Variants in CSNK1G1 observed in about 807,000 individuals in gnomAD.
The protein encoded by CSNK1G1 is casein kinase 1 gamma 1.
CSNK1G1 carries 22 observed loss-of-function variants against 59.6 expected under a neutral mutation model. The ratio of observed to expected loss-of-function variants is 0.37; its 90% CI spans 0.26 to 0.53. The LOEUF (loss-of-function observed/expected upper bound fraction) is 0.53, where lower values mean the gene tolerates loss of function less well. Ranked by LOEUF, CSNK1G1 falls within the 20% of genes least tolerant of loss-of-function variation. The pLI is 0.89. For synonymous variants in CSNK1G1, 179 were observed against 177.1 expected, an observed-to-expected ratio of 1.01 and a Z score of -0.08; for missense variants, 384 against 519.5, an observed-to-expected ratio of 0.74 and a Z score of 2.54.
At chr15:64,335,887 T>C (rs550258569) in intron 1 of CSNK1G1, 6 of 152,288 alleles carry the variant, frequency 3.9e-5, no homozygotes, top group African/African-American at 1.4e-4. Context: ...AAATAAAATT[T>C]ACCTGCAACA....
chr15:64,232,614 A>T (rs564761053), intron 4 of CSNK1G1, among the ~76,000 whole-genome samples: 1 of 152,174 alleles, frequency 6.6e-6, no homozygotes, highest in African/African-American at 2.4e-5. Context: ...ATTAACCTTG[A>T]CATACTATGA....
intron 1 of CSNK1G1, among the ~76,000 whole-genome samples, chr15:64,301,559 A>G (rs1674092675): frequency 6.6e-6 from 1 of 152,194 alleles, no homozygotes; most frequent in African/African-American, 2.4e-5. Flanking sequence ...ACACACACTT[A>G]TATTTCACTT....
intron 2 of CSNK1G1, among the ~76,000 whole-genome samples, chr15:64,289,171 C>A (rs569618432): frequency 5.6e-4 from 82 of 146,390 alleles, no homozygotes; most frequent in Non-Finnish European, 1.1e-3. Flanking sequence ...ACAAGTGAGA[C>A]TCTGTATCAA....
intron 4 of CSNK1G1, among the ~76,000 whole-genome samples, chr15:64,220,968 A>G (rs1421706300): frequency 2.0e-5 from 3 of 152,242 alleles, no homozygotes; most frequent in East Asian, 3.8e-4. Flanking sequence ...CCAAGAATAG[A>G]TGGAGCAAAA....
At chr15:64,286,169 G>A (rs142952076) in intron 2 of CSNK1G1, among the ~76,000 whole-genome samples, 15 of 152,212 alleles carry the variant, frequency 9.9e-5, no homozygotes, top group Admixed American at 9.8e-4. Flanking sequence ...CCCAGCTCGA[G>A]CCTTAAAGGT....
chr15:64,297,408 A>C (rs368835498), intron 2 of CSNK1G1, among the ~76,000 whole-genome samples: 3 of 152,186 alleles, frequency 2.0e-5, no homozygotes, highest in East Asian at 1.9e-4. Flanking sequence ...AAGGCTCTGA[A>C]GCAGAAATGC....
chr15:64,219,113 C>T (rs1222894600), intron 4 of CSNK1G1, among the ~76,000 whole-genome samples: 2 of 152,156 alleles, frequency 1.3e-5, no homozygotes, highest in Non-Finnish European at 2.9e-5. Context: ...CCTCAGCCTC[C>T]CGAAGTGCTG....
At chr15:64,215,932 T>G (rs141177432) in intron 5 of CSNK1G1, among the ~76,000 whole-genome samples, 1 of 152,286 alleles carries the variant, frequency 6.6e-6, no homozygotes, top group Non-Finnish European at 1.5e-5. Context: ...TACAGCTATA[T>G]TTAAAACACA....
intron 10 of CSNK1G1, among the ~76,000 whole-genome samples, chr15:64,197,740 T>G (rs138730358): frequency 2.4e-3 from 372 of 152,282 alleles, no homozygotes; most frequent in Non-Finnish European, 4.3e-3. Context: ...AAGCAGAGTT[T>G]TAATCATATC....
rs757558607 is a variant in CSNK1G1 at position 64,207,512 on chromosome 15, G to C, written c.762C>G (p.Leu254=). The C allele has an allele frequency of 3.1e-6, 5 of 1,609,268 alleles. No individual in the cohort carries two copies. Among genetic ancestry groups the C allele is most frequent in the East Asian group, 2.2e-5 (1 of 44,854 alleles). ...CACTGAACACTTTCAAGGATACCTTGAGTCCTTGCCAGGGGAGGCTGCCTC... is the reference window on the plus strand; with the variant it reads ...CACTGAACACTTTCAAGGATACCTTCAGTCCTTGCCAGGGGAGGCTGCCTC... The part of the protein sequence containing the change: ...FLRGSLPWQG[L]KADTLKERYQ... The change falls in exon 7 of 12, where the codon CTC becomes CTG. Residue 254 remains leucine, a synonymous_variant. Coordinates refer to ENST00000303052, the MANE Select transcript of CSNK1G1 (RefSeq NM_022048.5).
intron 2 of CSNK1G1, among the ~76,000 whole-genome samples, chr15:64,259,480 T>G (rs982245763): frequency 8.0e-6 from 1 of 125,168 alleles, no homozygotes; most frequent in Non-Finnish European, 1.6e-5. Context: ...AACAAATCTC[T>G]CTTACACACA....
At chr15:64,250,258 A>G (rs1892001000) in intron 4 of CSNK1G1, among the ~76,000 whole-genome samples, 1 of 152,234 alleles carries the variant, frequency 6.6e-6, no homozygotes, top group Non-Finnish European at 1.5e-5. Context: ...CTGAGAGGCT[A>G]CTGTGAGCAA....
chr15:64,239,259 C>A (rs979316326), intron 4 of CSNK1G1, among the ~76,000 whole-genome samples: 2 of 152,162 alleles, frequency 1.3e-5, no homozygotes, highest in Non-Finnish European at 2.9e-5. Flanking sequence ...AATATGACAC[C>A]ACCAAAGAAG....
chr15:64,312,717 G>C (rs907012452), intron 1 of CSNK1G1, among the ~76,000 whole-genome samples: 4 of 151,986 alleles, frequency 2.6e-5, no homozygotes, highest in African/African-American at 9.7e-5. Context: ...TGTCTAAAAC[G>C]CCAAAAGCAA....
chr15:64,316,607 C>A lies in CSNK1G1; in HGVS notation c.-224-15884G>T, dbSNP rs549863417. 2.6e-5 allele frequency among the ~76,000 whole-genome samples: 4 copies of A among 151,220 alleles called. No homozygotes were observed. In the South Asian group the frequency reaches 8.4e-4, roughly 32 times the overall value. ...TGTCTATCATAAAGGGAGGAGACCA[C>A]CCCTCATGTTGTCTTATGCCCAATT... On this transcript the variant is annotated intron_variant, in intron 1 of 11. Coordinates refer to ENST00000303052, the MANE Select transcript of CSNK1G1 (RefSeq NM_022048.5).
chr15:64,171,614 C>G lies in CSNK1G1; in HGVS notation c.*317G>C. ...AAACTAAGGGGAAGAAGGAGAATAG[C>G]AGTCCTTGAGTTTTTGTGAATGACA... On this transcript the variant is annotated 3_prime_UTR_variant, in exon 12 of 12. Transcript: ENST00000303052. The surrounding 1 kb of genome is among the most constrained non-coding windows in gnomAD (Gnocchi z 4.8). 1 of 387,206 alleles carries G rather than the reference C, an allele frequency of 2.6e-6. No homozygotes were observed. 24.0% of individuals were successfully genotyped at this position (387,206 alleles called of 1,614,324 possible).
intron 9 of CSNK1G1, 101 bp downstream of exon 9, chr15:64,204,340 A>C (rs2082149282): frequency 9.9e-7 from 1 of 1,006,854 alleles, no homozygotes; most frequent in Admixed American, 2.8e-5. Flanking sequence ...TATTTTTACC[A>C]AAGATTCAAG....
intron 1 of CSNK1G1, among the ~76,000 whole-genome samples, chr15:64,355,745 G>A (rs368456173): frequency 3.9e-5 from 6 of 152,214 alleles, no homozygotes; most frequent in African/African-American, 1.4e-4. Flanking sequence ...TCAGTTTCTC[G>A]GAAGGGGCGC....
chr15:64,215,684 A>C (rs1218422415), intron 5 of CSNK1G1, among the ~76,000 whole-genome samples: 2 of 152,230 alleles, frequency 1.3e-5, no homozygotes, highest in East Asian at 3.9e-4. Context: ...GGCTTGTGAC[A>C]AACTTCTCAA....
Sources: allele counts gnomAD v4.1 joint callset (sites outside exome capture counted in the v4.1 genomes callset), GRCh38; gene constraint gnomAD v4.1.1; non-coding constraint Gnocchi (gnomAD v3.1); transcripts MANE v1.5; gene names NCBI Gene and HGNC (gene_info 2026-07-23, HGNC 2026-07-21).